The following MYH1 variants were observed in gnomAD, a reference collection of about 807,000 sequenced individuals.
MYH1 encodes myosin-1.
MYH1 carries 214 observed loss-of-function variants against 225.6 expected under a neutral mutation model. That is an observed-to-expected ratio of 0.95 (90% CI 0.85 to 1.06). The LOEUF (loss-of-function observed/expected upper bound fraction) is 1.06. Among genes scored for constraint, MYH1 ranks in the 50% least tolerant of loss-of-function variants. MYH1 has a pLI of 0.00. For missense variants in MYH1, 2,098 were observed against 2,344.2 expected, an observed-to-expected ratio of 0.89 and a Z score of 2.17; for synonymous variants, 774 against 842.3, an observed-to-expected ratio of 0.92 and a Z score of 1.40.
Position 10,504,750 on chromosome 17 carries a change from A to C in MYH1, c.2691+60T>G, listed in dbSNP as rs2073091788. ...TTTGGTAGAATCTAGATCTCTCCTT[A>C]GTGACCACTGAGCTGAAGTTTTAGC... On this transcript the variant is annotated intron_variant, in intron 22 of 39. Transcript: ENST00000226207. The C allele has an allele frequency of 5.7e-6, 9 of 1,579,674 alleles. No individual in the cohort carries two copies. In the Admixed American group the frequency reaches 1.5e-4, roughly 27 times the overall value.
At chr17:10,512,600 A>C (rs1760014172) in intron 11 of MYH1, 54 bp from the exon 12 acceptor site, 1 of 1,612,816 alleles carries the variant, frequency 6.2e-7, no homozygotes, top group Non-Finnish European at 8.5e-7. Flanking sequence ...TTTATACTGT[A>C]TCTTTTACAC....
rs375398798 is a variant in MYH1 at position 10,502,349 on chromosome 17, C to T, written c.3111+389G>A. Reference sequence around the variant, plus strand: ...GTCCTTTGTTTCTGTGAGAGAAAACCTTATTGATCATTACAACTTCTTTGC... The same window carrying T: ...GTCCTTTGTTTCTGTGAGAGAAAACTTTATTGATCATTACAACTTCTTTGC... On this transcript the variant is annotated intron_variant, in intron 24 of 39. Coordinates refer to ENST00000226207, the MANE Select transcript of MYH1 (RefSeq NM_005963.4). 4.6e-5 allele frequency among the ~76,000 whole-genome samples: 7 copies of T among 152,152 alleles called. No homozygotes were observed. In the South Asian group the frequency reaches 1.0e-3, roughly 23 times the overall value.
intron 14 of MYH1, 38 bp downstream of exon 14, chr17:10,511,801 T>C: frequency 6.2e-7 from 1 of 1,613,808 alleles, no homozygotes; most frequent in East Asian, 2.2e-5. Context: ...AGCTTGCTTG[T>C]TGGAAACTTT....
Position 10,496,307 on chromosome 17 carries a change from C to T in MYH1, c.4899G>A (p.Leu1633=). 1 of 1,614,150 alleles carries T rather than the reference C, an allele frequency of 6.2e-7. No homozygotes were observed. The highest frequency in any genetic ancestry group is 8.5e-7 in the Non-Finnish European group (1 of 1,180,034). The stretch of plus-strand genomic sequence containing the variant: ...CAGCAGCCATGCGGTTGGCATGGTT[C>T]AGCTGGATTTCCATTTCATTGAGGT... ...EGDLNEMEIQ[L]NHANRMAAEA... Residue 1633 remains leucine, a synonymous_variant, in exon 34 of 40, where the codon CTG becomes CTA. Transcript: ENST00000226207.
chr17:10,496,066 G>T lies in MYH1; in HGVS notation c.5053C>A (p.Leu1685Met). Residue 1685 changes from leucine (L) to methionine (M), a missense_variant, in exon 35 of 40, where the codon CTG becomes ATG. Coordinates refer to ENST00000226207, the MANE Select transcript of MYH1 (RefSeq NM_005963.4). ...LAMVERRANL[L>M]QAEIEELRAT... is the part of the protein sequence containing the mutation. ...CGCAGCTCCTCGATCTCAGCCTGCA[G>T]CAGGTTGGCTCTGCGCTCCACCATA... 6.2e-7 allele frequency: 1 copy of T among 1,614,178 alleles called. No individual in the cohort carries two copies. Among genetic ancestry groups the T allele is most frequent in the Middle Eastern group, 1.6e-4 (1 of 6,062 alleles).
intron 17 of MYH1, among the ~76,000 whole-genome samples, chr17:10,507,568 C>T (rs2073125698): frequency 6.6e-6 from 1 of 152,184 alleles, no homozygotes. Context: ...AATCCTATCC[C>T]ACTGGAGTCT....
chr17:10,506,171 T>C (rs1244218274), intron 17 of MYH1, 72 bp from the exon 18 acceptor site: 2 of 1,572,806 alleles, frequency 1.3e-6, no homozygotes, highest in Admixed American at 1.7e-5. Flanking sequence ...GACATAATTA[T>C]TGAGATCTAT....
chr17:10,497,438 C>A lies in MYH1; in HGVS notation c.4380G>T (p.Trp1460Cys). ...CATGAGTTTCTTCACACTTCTGTTT[C>A]CATTCTGCCAGGATCTGAAGGTCAA... ...QRNFDKILAE[W>C]KQKCEETHAE... The change falls in exon 32 of 40, where the codon TGG (tryptophan) becomes TGT (cysteine). Residue 1460 changes from tryptophan (W) to cysteine (C), a missense_variant. Physicochemically the swap from Trp to Cys is radical, Grantham distance 215. Transcript: ENST00000226207. 1 of 1,603,624 alleles carries A rather than the reference C, an allele frequency of 6.2e-7. No homozygotes were observed. Among genetic ancestry groups the A allele is most frequent in the Non-Finnish European group, 8.5e-7 (1 of 1,177,804 alleles).
chr17:10,495,778 C>CAAAAAAAAAAAAAAAA (rs2072985156), intron 35 of MYH1, among the ~76,000 whole-genome samples, 172 bp downstream of exon 35: 3 of 52,630 alleles, frequency 5.7e-5, no homozygotes, highest in African/African-American at 9.9e-5. Flanking sequence ...AAAAAAAAAT[C>CAAAAAAAAAAAAAAAA]AACTATGGAT....
At chr17:10,509,780 A>G in intron 14 of MYH1, 125 bp from the exon 15 acceptor site, 1 of 1,523,810 alleles carries the variant, frequency 6.6e-7, no homozygotes, top group Non-Finnish European at 8.9e-7. Context: ...ACCTATACCT[A>G]CACAATGAAG....
intron 16 of MYH1, 48 bp downstream of exon 16, chr17:10,508,315 A>G (rs35152572): frequency 0.44 from 670,229 of 1,529,748 alleles, 154,178 homozygotes; most frequent in East Asian, 0.84. Flanking sequence ...TCTGGCCTCT[A>G]GTTATGTTTT....
chr17:10,507,747 C>T, intron 17 of MYH1, 139 bp downstream of exon 17: 1 of 701,932 alleles, frequency 1.4e-6, no homozygotes, highest in Non-Finnish European at 2.5e-6. Flanking sequence ...CCCTAAAACT[C>T]AGTCTTACCA....
intron 5 of MYH1, among the ~76,000 whole-genome samples, chr17:10,515,135 A>G (rs1181755717): frequency 1.3e-5 from 2 of 152,268 alleles, no homozygotes; most frequent in African/African-American, 2.4e-5. Context: ...TAATTAATGC[A>G]TATAGCTGAA....
At chr17:10,496,596 A>C (rs370129317) in intron 33 of MYH1, 47 bp from the exon 34 acceptor site, 1 of 1,610,830 alleles carries the variant, frequency 6.2e-7, no homozygotes, top group Non-Finnish European at 8.5e-7. Context: ...GGAAGTGTGT[A>C]GTATTCTAGA....
chr17:10,493,910 C>T (rs2072960291), intron 39 of MYH1, among the ~76,000 whole-genome samples: 2 of 152,218 alleles, frequency 1.3e-5, no homozygotes, highest in East Asian at 1.9e-4. Context: ...TCTCTCTGCA[C>T]CCACTTGTGT....
At position 10,513,766 on chromosome 17, in the gene MYH1, T is replaced by C. The variant is rs1386981041; in HGVS notation, c.741+55A>G. On this transcript the variant is annotated intron_variant, in intron 8 of 39. Transcript: ENST00000226207. ...GGATGCCACTGAAATAATTCAGACA[T>C]GCTTTCTCTGGCATCTAAAGGCAGA... is the stretch of plus-strand genomic sequence containing the variant. 3.1e-6 allele frequency: 5 copies of C among 1,613,124 alleles called. No individual in the cohort carries two copies. In the African/African-American group the frequency reaches 6.7e-5, roughly 22 times the overall value.
In MYH1 at chr17:10,514,935, T is replaced by C. The variant is rs752448316; in HGVS notation, c.506-40A>G. On this transcript the variant is annotated intron_variant, in intron 5 of 39. Coordinates refer to ENST00000226207, the MANE Select transcript of MYH1 (RefSeq NM_005963.4). Reference sequence around the variant, plus strand: ...GTGGAAAATCAGCATATGTATCAGTTACACAAACAAAACTTTCTATAGTGA... The same window carrying C: ...GTGGAAAATCAGCATATGTATCAGTCACACAAACAAAACTTTCTATAGTGA... 25 of 1,594,940 alleles carry C rather than the reference T, an allele frequency of 1.6e-5. 1 individual carries two copies. The South Asian group carries it at 2.1e-4, about 13-fold the overall frequency.
rs1273073230 is a variant in MYH1, at chr17:10,513,864, A to G, written c.698T>C (p.Phe233Ser). 3 of 1,614,058 alleles carry G rather than the reference A, an allele frequency of 1.9e-6. No individual in the cohort carries two copies. The East Asian group carries it at 6.7e-5, about 36-fold the overall frequency. Reference protein sequence around the residue: ...IISANPLLEAFGNAKTVRNDN... With the variant: ...IISANPLLEASGNAKTVRNDN... Reference sequence around the variant, plus strand: ...ATTCCTCACGGTCTTGGCGTTGCCAAAGGCCTCCAGTAGGGGGTTGGCACT... The same window carrying G: ...ATTCCTCACGGTCTTGGCGTTGCCAGAGGCCTCCAGTAGGGGGTTGGCACT... Residue 233 changes from phenylalanine to serine, a missense_variant, in exon 8 of 40, where the codon TTT becomes TCT. Phe to Ser is a radical substitution (Grantham distance 155). Coordinates refer to ENST00000226207, the MANE Select transcript of MYH1 (RefSeq NM_005963.4).
chr17:10,512,189 G>T lies in MYH1; in HGVS notation c.1151C>A (p.Ala384Asp). The part of the protein sequence containing the change: ...EQAEPDGTEV[A>D]DKAAYLQNLN... ...ATTTTGGAGATAGGCTGCCTTGTCA[G>T]CAACTGCAGAAACATAATTCAGATA... Residue 384 changes from alanine to aspartate, a missense_variant, in exon 13 of 40, where the codon GCT becomes GAT. Coordinates refer to ENST00000226207, the MANE Select transcript of MYH1 (RefSeq NM_005963.4). The T allele has an allele frequency of 6.2e-7, 1 of 1,613,250 alleles. No individual in the cohort carries two copies. Among genetic ancestry groups the T allele is most frequent in the Non-Finnish European group, 8.5e-7 (1 of 1,179,222 alleles).
Sources: gnomAD v4.1 joint callset for allele counts (sites outside exome capture counted in the v4.1 genomes callset) on GRCh38, gnomAD v4.1.1 for gene constraint, MANE v1.5 for transcripts, NCBI Gene and HGNC (gene_info 2026-07-23, HGNC 2026-07-21) for gene names.